Variants in TRABD2B observed in about 807,000 individuals in gnomAD.
The protein encoded by TRABD2B is metalloprotease TIKI2.
A neutral mutation model predicts 40.1 loss-of-function variants in TRABD2B; 14 were observed. That is an observed-to-expected ratio of 0.35 (90% CI 0.23 to 0.55). TRABD2B has a LOEUF of 0.55. TRABD2B is among the 20% of genes least tolerant of loss of function. TRABD2B has a pLI of 0.90. For missense variants in TRABD2B, 541 were observed against 648.6 expected (o/e 0.83, Z 1.80); for synonymous variants, 263 against 277.0 (o/e 0.95, Z 0.50).
At chr1:47,950,770 C>T (rs1337858946) in intron 2 of TRABD2B, among the ~76,000 whole-genome samples, 6 of 152,206 alleles carry the variant, frequency 3.9e-5, no homozygotes, top group Admixed American at 3.9e-4. Context: ...AATGTGTCCC[C>T]AAATTTTCAG....
rs146517274 is a variant in TRABD2B at position 47,814,376 on chromosome 1, G to C, written c.667-12757C>G. On this transcript the variant is annotated intron_variant, in intron 2 of 6. Transcript: ENST00000606738. ...TTCTCTTTAGAAGCTGCCCCTGGCT[G>C]CTGTGTGGAGAAAGGCTTTGAGGAC... Among the ~76,000 whole-genome samples the C allele has an allele frequency of 9.8e-4, 150 of 152,348 alleles. 1 individual carries two copies. The highest frequency in any genetic ancestry group is 3.3e-3 in the African/African-American group (139 of 41,578).
chr1:47,801,500 T>C lies in TRABD2B; in HGVS notation c.786A>G (p.Ala262=), dbSNP rs1569979565. 6.5e-7 allele frequency: 1 copy of C among 1,536,080 alleles called. No homozygotes were observed. Among genetic ancestry groups the C allele is most frequent in the Non-Finnish European group, 8.7e-7 (1 of 1,146,850 alleles). The change falls in exon 3 of 7, where the codon GCA becomes GCG. Residue 262 remains alanine (A), a synonymous_variant. Transcript: ENST00000606738. The stretch of plus-strand genomic sequence containing the variant: ...GGGATGTGTCGTGGTTGAAGATGAC[T>C]GCGCTGAGGTCTCCGCAGTTGTAGT... ...IKHYNCGDLS[A]VIFNHDTSQL...
intron 2 of TRABD2B, among the ~76,000 whole-genome samples, chr1:47,868,016 G>A (rs1644084850): frequency 6.6e-6 from 1 of 152,154 alleles, no homozygotes; most frequent in Non-Finnish European, 1.5e-5. Context: ...AGGGGTAGGA[G>A]GTGAACCTGA....
At chr1:47,928,383 T>C (rs751794927) in intron 2 of TRABD2B, among the ~76,000 whole-genome samples, 2 of 152,236 alleles carry the variant, frequency 1.3e-5, no homozygotes, top group Non-Finnish European at 2.9e-5. Context: ...CTTTTAGGAT[T>C]AATGATGAGG....
chr1:47,775,479 G>A (rs1644433370), intron 5 of TRABD2B, 40 bp from the exon 6 acceptor site: 3 of 1,233,552 alleles, frequency 2.4e-6, no homozygotes, highest in South Asian at 4.1e-5. Context: ...ATGTGTTGGA[G>A]AATGTCATCC....
chr1:47,993,347 C>T (rs1646040140), intron 2 of TRABD2B, among the ~76,000 whole-genome samples: 1 of 152,188 alleles, frequency 6.6e-6, no homozygotes, highest in South Asian at 2.1e-4. Context: ...AGACTTTAAA[C>T]CTCTTAAGCC....
intron 2 of TRABD2B, among the ~76,000 whole-genome samples, chr1:47,873,509 G>T (rs867449060): frequency 1.3e-5 from 2 of 152,168 alleles, no homozygotes; most frequent in African/African-American, 2.4e-5. Context: ...ACAGCATGTG[G>T]CTGGGGCGAG....
intron 2 of TRABD2B, among the ~76,000 whole-genome samples, chr1:47,876,170 T>G (rs1644222878): frequency 6.6e-6 from 1 of 152,118 alleles, no homozygotes; most frequent in Non-Finnish European, 1.5e-5. Flanking sequence ...TCACTGAGCT[T>G]GAACAAGCGC....
chr1:47,918,549 A>G (rs764537881), intron 2 of TRABD2B, among the ~76,000 whole-genome samples: 1 of 152,168 alleles, frequency 6.6e-6, no homozygotes, highest in Non-Finnish European at 1.5e-5. Context: ...CTGCCCATAA[A>G]GAAATTCTTG....
intron 2 of TRABD2B, among the ~76,000 whole-genome samples, chr1:47,858,453 C>T (rs1042021813): frequency 2.0e-5 from 3 of 152,040 alleles, no homozygotes; most frequent in African/African-American, 7.2e-5. Flanking sequence ...GAAACAGGGT[C>T]TTGCTATGTT....
Position 47,793,534 on chromosome 1 carries a change from C to T in TRABD2B, c.988+1052G>A, listed in dbSNP as rs529555298. Among the ~76,000 whole-genome samples, 41 of 152,302 alleles carry T rather than the reference C, an allele frequency of 2.7e-4. No homozygotes were observed. In the South Asian group the frequency reaches 8.1e-3, roughly 30 times the overall value. ...TAGACTGACTGCTCGCCCTGGAGGG[C>T]GGCATGAGGGTGACAGGAGGGGAAG... On this transcript the variant is annotated intron_variant, in intron 4 of 6. Transcript: ENST00000606738.
Position 47,900,276 on chromosome 1 carries a change from T to C in TRABD2B, c.666+93758A>G, listed in dbSNP as rs545950547. On this transcript the variant is annotated intron_variant, in intron 2 of 6. Coordinates refer to ENST00000606738, the MANE Select transcript of TRABD2B (RefSeq NM_001194986.2). ...AGCCCACAATACTCTCTCTCCCCGT[T>C]TGGGTTTAGGGTTCCTAAGGCAGGG... Among the ~76,000 whole-genome samples, 17 of 152,068 alleles carry C rather than the reference T, an allele frequency of 1.1e-4. No homozygotes were observed. In the South Asian group the frequency reaches 3.6e-3, roughly 32 times the overall value.
chr1:47,827,975 G>T (rs1475274873), intron 2 of TRABD2B, among the ~76,000 whole-genome samples: 1 of 152,210 alleles, frequency 6.6e-6, no homozygotes, highest in Non-Finnish European at 1.5e-5. Flanking sequence ...AGGGGTGGGA[G>T]TCCAGCAAGG....
chr1:47,976,728 C>A (rs1368983386), intron 2 of TRABD2B, among the ~76,000 whole-genome samples: 1 of 152,168 alleles, frequency 6.6e-6, no homozygotes, highest in African/African-American at 2.4e-5. Context: ...GAATTCTTTT[C>A]TTTTGCATAC....
chr1:47,994,211 G>A lies in TRABD2B; in HGVS notation c.489C>T (p.Pro163=), dbSNP rs138910725. ...AIAGNWERKR[P]VWVMLMVNSL... Reference sequence around the variant, plus strand: ...AGTTTACCATGAGCATCACCCAGACGGGCCTCTTGCGCTCCCAGTTGCCCG... The same window carrying A: ...AGTTTACCATGAGCATCACCCAGACAGGCCTCTTGCGCTCCCAGTTGCCCG... Residue 163 remains proline (P), a synonymous_variant, in exon 2 of 7, where the codon CCC becomes CCT. Transcript: ENST00000606738. The surrounding 1 kb of genome is among the most constrained non-coding windows in gnomAD (Gnocchi z 6.7). 75 of 1,546,104 alleles carry A rather than the reference G, an allele frequency of 4.9e-5. No homozygotes were observed. The Middle Eastern group carries it at 5.0e-4, about 10-fold the overall frequency.
chr1:47,909,990 G>C (rs1644740339), intron 2 of TRABD2B, among the ~76,000 whole-genome samples: 1 of 151,788 alleles, frequency 6.6e-6, no homozygotes, highest in South Asian at 2.1e-4. Context: ...CTCCTGAGTA[G>C]CTGGGACTAC....
chr1:47,853,647 A>G (rs1643861359), intron 2 of TRABD2B, among the ~76,000 whole-genome samples: 2 of 152,122 alleles, frequency 1.3e-5, no homozygotes, highest in South Asian at 4.2e-4. Flanking sequence ...GTCATCTTTG[A>G]TTCCTCCCCT....
chr1:47,841,143 T>C (rs1406680384), intron 2 of TRABD2B, among the ~76,000 whole-genome samples: 2 of 152,168 alleles, frequency 1.3e-5, no homozygotes, highest in African/African-American at 4.8e-5. Context: ...CCTTAACTCA[T>C]TTAATCTCTC....
In TRABD2B at chr1:47,937,072, CCAT is replaced by C. The variant is rs528428048; in HGVS notation, c.666+56959_666+56961del. Among the ~76,000 whole-genome samples the C allele has an allele frequency of 9.7e-4, 142 of 145,910 alleles. 2 individuals are homozygous for C. The highest frequency in any genetic ancestry group is 3.5e-3 in the African/African-American group (137 of 39,518). On this transcript the variant is annotated intron_variant, in intron 2 of 6. Transcript: ENST00000606738. ...ACCACCATCATTATCATCATTATCACCATCATCATCACCACTACCATGATCATC... is the reference window on the plus strand; with the variant it reads ...ACCACCATCATTATCATCATTATCACCATCATCACCACTACCATGATCATC...
Sources: gnomAD v4.1 joint callset for allele counts (sites outside exome capture counted in the v4.1 genomes callset) on GRCh38, gnomAD v4.1.1 for gene constraint, Gnocchi (gnomAD v3.1) non-coding constraint, MANE v1.5 for transcripts, NCBI Gene and HGNC (gene_info 2026-07-23, HGNC 2026-07-21) for gene names.